The following TBC1D8 variants were observed in gnomAD, a reference collection of about 807,000 sequenced individuals.
TBC1D8 encodes BUB2-like protein 1.
A neutral mutation model predicts 118.8 loss-of-function variants in TBC1D8; 65 were observed. The observed-to-expected ratio is 0.55, with a 90% CI of 0.45 to 0.67. TBC1D8 has a LOEUF of 0.67. Ranked by LOEUF, TBC1D8 falls within the 30% of genes least tolerant of loss-of-function variation. The pLI is 0.00. For missense variants in TBC1D8, 1,376 were observed against 1,471.2 expected, an observed-to-expected ratio of 0.94 and a Z score of 1.06; for synonymous variants, 566 against 595.8, an observed-to-expected ratio of 0.95 and a Z score of 0.73.
At chr2:101,061,999 T>C (rs1682780301) in intron 2 of TBC1D8, among the ~76,000 whole-genome samples, 1 of 152,242 alleles carries the variant, frequency 6.6e-6, no homozygotes, top group African/African-American at 2.4e-5. Context: ...ACACACGCCA[T>C]GCTGGCCCGA....
chr2:101,114,355 TC>T (rs55873998), intron 1 of TBC1D8, among the ~76,000 whole-genome samples: 18,195 of 152,180 alleles, frequency 0.12, 1,337 homozygotes, highest in South Asian at 0.21. Context: ...GGATCCTTTA[TC>T]GGTTCGCAAC....
chr2:101,096,238 G>C (rs1237929711), intron 1 of TBC1D8, among the ~76,000 whole-genome samples: 1 of 151,862 alleles, frequency 6.6e-6, no homozygotes, highest in Non-Finnish European at 1.5e-5. Context: ...AGTTCTTAAA[G>C]AAGCCCAAAG....
Position 101,143,109 on chromosome 2 carries a change from G to A in TBC1D8, c.127+8018C>T, listed in dbSNP as rs1341167491. On this transcript the variant is annotated intron_variant, in intron 1 of 19. Transcript: ENST00000409318. ...ACAGAGTCTCACCCTGTCACCCAGA[G>A]TGGAGTGCAATGGCGAGATCTCGGC... is the stretch of plus-strand genomic sequence containing the variant. 2.1e-5 allele frequency among the ~76,000 whole-genome samples: 3 copies of A among 145,554 alleles called. No homozygotes were observed. The Admixed American group carries it at 2.1e-4, about 10-fold the overall frequency.
chr2:101,101,286 G>A (rs528203818), intron 1 of TBC1D8, among the ~76,000 whole-genome samples: 4 of 151,998 alleles, frequency 2.6e-5, no homozygotes, highest in South Asian at 2.1e-4. Flanking sequence ...GCCAACAAAC[G>A]TATGAAAAAA....
intron 1 of TBC1D8, among the ~76,000 whole-genome samples, chr2:101,140,579 T>C (rs1235645548): frequency 6.6e-6 from 1 of 152,058 alleles, no homozygotes; most frequent in East Asian, 1.9e-4. Flanking sequence ...CTGCATTATA[T>C]CAACGTTACA....
rs1259846710 is a variant in TBC1D8, at chr2:101,027,425, T to C, written c.2478A>G (p.Ser826=). Reference sequence around the variant, plus strand: ...GCTCCTCTAGGTCTTCAGGAAGAATTGAGACTTCCGGGATAACGACTCGAA... The same window carrying C: ...GCTCCTCTAGGTCTTCAGGAAGAATCGAGACTTCCGGGATAACGACTCGAA... ...NVLRVVIPEV[S]ILPEDLEELY... The change falls in exon 15 of 20, where the codon TCA becomes TCG. Residue 826 remains serine (S), a synonymous_variant. Transcript: ENST00000409318. The C allele has an allele frequency of 6.2e-7, 1 of 1,613,190 alleles. No homozygotes were observed.
intron 8 of TBC1D8, 135 bp downstream of exon 8, chr2:101,037,397 G>A: frequency 1.6e-6 from 2 of 1,283,076 alleles, no homozygotes; most frequent in African/African-American, 1.5e-5. Flanking sequence ...TTTCACCCAT[G>A]AGAACAAGAC....
At chr2:101,067,838 T>C (rs1174080697) in intron 2 of TBC1D8, among the ~76,000 whole-genome samples, 1 of 152,208 alleles carries the variant, frequency 6.6e-6, no homozygotes, top group Non-Finnish European at 1.5e-5. Flanking sequence ...AGTAAAACTT[T>C]TCAAATTTGG....
chr2:101,128,588 T>C (rs1678452125), intron 1 of TBC1D8, among the ~76,000 whole-genome samples: 1 of 152,248 alleles, frequency 6.6e-6, no homozygotes, highest in East Asian at 1.9e-4. Context: ...ATTCCACTTC[T>C]GGGTCTATAC....
intron 1 of TBC1D8, among the ~76,000 whole-genome samples, chr2:101,127,169 T>C (rs980722226): frequency 1.3e-5 from 2 of 152,054 alleles, no homozygotes; most frequent in Non-Finnish European, 2.9e-5. Flanking sequence ...ACCCCATCTC[T>C]ATTAAAAATT....
At chr2:101,033,366 A>G (rs779579985) in intron 10 of TBC1D8, 178 bp downstream of exon 10, 4 of 748,228 alleles carry the variant, frequency 5.3e-6, no homozygotes, top group African/African-American at 5.2e-5. Flanking sequence ...GTTGATTATA[A>G]GATGAGTAGT....
intron 12 of TBC1D8, chr2:101,028,689 C>T (rs17025207): frequency 0.016 from 6,732 of 416,444 alleles, 392 homozygotes; most frequent in African/African-American, 0.12. Context: ...CGCATACATG[C>T]AAGGTTAAGC....
At chr2:101,072,857 T>G (rs1325223947) in intron 2 of TBC1D8, among the ~76,000 whole-genome samples, 1 of 152,084 alleles carries the variant, frequency 6.6e-6, no homozygotes, top group Non-Finnish European at 1.5e-5. Flanking sequence ...CACTCAGCCA[T>G]TCAAGAGGGA....
At chr2:101,087,080 G>A (rs895311941) in intron 2 of TBC1D8, among the ~76,000 whole-genome samples, 15 of 151,884 alleles carry the variant, frequency 9.9e-5, no homozygotes, top group African/African-American at 2.7e-4. Context: ...CACCGCGCCC[G>A]GCTGAATTTC....
intron 1 of TBC1D8, among the ~76,000 whole-genome samples, chr2:101,094,788 G>A (rs185163063): frequency 6.6e-6 from 1 of 152,238 alleles, no homozygotes; most frequent in Non-Finnish European, 1.5e-5. Context: ...CAAAGAGCTT[G>A]GAAGTTATCA....
At chr2:101,141,021 C>T (rs1175212738) in intron 1 of TBC1D8, among the ~76,000 whole-genome samples, 2 of 152,072 alleles carry the variant, frequency 1.3e-5, no homozygotes, top group African/African-American at 2.4e-5. Flanking sequence ...CTCAGCCTCC[C>T]GAAGTGCTAG....
chr2:101,121,149 T>C (rs1678082016), intron 1 of TBC1D8, among the ~76,000 whole-genome samples: 1 of 152,178 alleles, frequency 6.6e-6, no homozygotes, highest in Admixed American at 6.6e-5. Flanking sequence ...AGGCGCTCTT[T>C]TGAGGAAAAG....
At chr2:101,053,641 G>A (rs1380526923) in intron 4 of TBC1D8, among the ~76,000 whole-genome samples, 1 of 152,196 alleles carries the variant, frequency 6.6e-6, no homozygotes, top group South Asian at 2.1e-4. Flanking sequence ...ATAAACAGGT[G>A]AGCAGTGAAT....
chr2:101,073,355 C>G (rs1406414715), intron 2 of TBC1D8, among the ~76,000 whole-genome samples: 1 of 150,208 alleles, frequency 6.7e-6, no homozygotes, highest in Non-Finnish European at 1.5e-5. Flanking sequence ...AGTGCAGTGC[C>G]ACGATCTCGG....
Sources: gnomAD v4.1 joint callset for allele counts (sites outside exome capture counted in the v4.1 genomes callset) on GRCh38, gnomAD v4.1.1 for gene constraint, MANE v1.5 for transcripts, NCBI Gene and HGNC (gene_info 2026-07-23, HGNC 2026-07-21) for gene names.